CTDSPL: variants seen among roughly 807,000 people sequenced by gnomAD.
CTDSPL encodes CTD small phosphatase like.
CTDSPL carries 8 observed loss-of-function variants against 30.5 expected under a neutral mutation model. That is an observed-to-expected ratio of 0.26 (90% confidence interval 0.15 to 0.47). The LOEUF (loss-of-function observed/expected upper bound fraction) is 0.47, where lower values mean the gene tolerates loss of function less well. CTDSPL is among the 20% of genes least tolerant of loss of function. The pLI, the probability that CTDSPL is intolerant of heterozygous loss-of-function variation, is 0.99. For synonymous variants in CTDSPL, 110 were observed against 137.9 expected (o/e 0.80, Z 1.42); for missense variants, 248 against 366.1 (o/e 0.68, Z 2.63).
chr3:37,910,431 A>G (rs1407347016), intron 1 of CTDSPL, among the ~76,000 whole-genome samples: 1 of 152,220 alleles, frequency 6.6e-6, no homozygotes, highest in African/African-American at 2.4e-5. Flanking sequence ...CAGTGAGCCA[A>G]GATGGCGCCA....
intron 2 of CTDSPL, among the ~76,000 whole-genome samples, chr3:37,956,671 G>A (rs1320622118): frequency 6.6e-6 from 1 of 152,170 alleles, no homozygotes; most frequent in African/African-American, 2.4e-5. Context: ...TGACCAGGGG[G>A]TCATTGTAAT....
chr3:37,883,759 A>T (rs1177490937), intron 1 of CTDSPL, among the ~76,000 whole-genome samples: 2 of 152,230 alleles, frequency 1.3e-5, no homozygotes, highest in African/African-American at 4.8e-5. Flanking sequence ...GATTTAATTT[A>T]CTTAATAGAT....
Position 37,981,223 on chromosome 3 carries a change from G to C in CTDSPL, c.*356G>C, listed in dbSNP as rs902796883. ...ACCTGTCCCCTTCTATCCCAGCTCA[G>C]AGCAGCTGACCCAACTCAGAATCTC... On this transcript the variant is annotated 3_prime_UTR_variant, in exon 8 of 8. Transcript: ENST00000273179. 6.0e-6 allele frequency: 1 copy of C among 165,674 alleles called. No homozygotes were observed. The highest frequency in any genetic ancestry group is 2.4e-5 in the African/African-American group (1 of 41,482). The allele number at this position is 165,674 out of a possible 1,614,324, so 10.3% of individuals were successfully genotyped here.
intron 1 of CTDSPL, among the ~76,000 whole-genome samples, chr3:37,935,742 G>A (rs995100982): frequency 7.9e-5 from 12 of 152,100 alleles, no homozygotes; most frequent in Non-Finnish European, 1.5e-4. Flanking sequence ...GTTTTCAAAC[G>A]TGGCATTTGG....
chr3:37,874,936 C>T (rs1234683910), intron 1 of CTDSPL, among the ~76,000 whole-genome samples: 2 of 152,016 alleles, frequency 1.3e-5, no homozygotes, highest in African/African-American at 4.8e-5. Context: ...CTTGACTTAC[C>T]AGACATTTAA....
At chr3:37,919,014 T>C (rs1352859743) in intron 1 of CTDSPL, among the ~76,000 whole-genome samples, 1 of 152,140 alleles carries the variant, frequency 6.6e-6, no homozygotes, top group Admixed American at 6.5e-5. Flanking sequence ...AAGTTCTGTG[T>C]AATAGTGGTT....
intron 1 of CTDSPL, among the ~76,000 whole-genome samples, chr3:37,911,289 G>C (rs1443853638): frequency 2.0e-5 from 3 of 152,234 alleles, no homozygotes; most frequent in Non-Finnish European, 2.9e-5. Context: ...TCTAAGTTAA[G>C]AGGATAGTAC....
rs1350694849 is a variant in CTDSPL at position 37,984,179 on chromosome 3, T to C, written c.*3312T>C. ...CGTACTTGCAGTTAACTGTGCAAAATTGGCTGGCTGCCTCTGTTCCTACTG... is the reference window on the plus strand; with the variant it reads ...CGTACTTGCAGTTAACTGTGCAAAACTGGCTGGCTGCCTCTGTTCCTACTG... On this transcript the variant is annotated 3_prime_UTR_variant, in exon 8 of 8. Coordinates refer to ENST00000273179, the MANE Select transcript of CTDSPL (RefSeq NM_001008392.2). The C allele has an allele frequency of 2.2e-6, 1 of 455,998 alleles. No individual in the cohort carries two copies. The highest frequency in any genetic ancestry group is 7.0e-5 in the East Asian group (1 of 14,368). The allele number at this position is 455,998 out of a possible 1,614,324, so 28.2% of individuals were successfully genotyped here. A position where few individuals can be genotyped will look rare whatever the true frequency, so the allele number is the denominator to read the frequency against.
chr3:37,933,390 C>T (rs1698878595), intron 1 of CTDSPL, among the ~76,000 whole-genome samples: 1 of 152,138 alleles, frequency 6.6e-6, no homozygotes, highest in Non-Finnish European at 1.5e-5. Context: ...TCCAGAGATA[C>T]TCTTTACCCA....
At chr3:37,872,562 A>ATTTT (rs1559621231) in intron 1 of CTDSPL, among the ~76,000 whole-genome samples, 4 of 101,958 alleles carry the variant, frequency 3.9e-5, no homozygotes, top group African/African-American at 7.5e-5. Context: ...TTTTTTTTAA[A>ATTTT]TTCTTTTATC....
At chr3:37,965,066 T>G (rs948128297) in intron 4 of CTDSPL, among the ~76,000 whole-genome samples, 1 of 152,236 alleles carries the variant, frequency 6.6e-6, no homozygotes, top group Non-Finnish European at 1.5e-5. Flanking sequence ...TGTTGGAAAC[T>G]GTCAAATGAC....
At chr3:37,879,584 C>A (rs1698178552) in intron 1 of CTDSPL, among the ~76,000 whole-genome samples, 1 of 152,202 alleles carries the variant, frequency 6.6e-6, no homozygotes, top group Non-Finnish European at 1.5e-5. Context: ...TGTACATATA[C>A]TGGTTCCTCT....
chr3:37,930,753 C>T (rs779999813), intron 1 of CTDSPL, among the ~76,000 whole-genome samples: 13 of 152,310 alleles, frequency 8.5e-5, no homozygotes, highest in Admixed American at 5.2e-4. Flanking sequence ...TCCATTTGGT[C>T]TATAGTGTTA....
At chr3:37,897,633 A>G (rs1698403995) in intron 1 of CTDSPL, among the ~76,000 whole-genome samples, 1 of 152,176 alleles carries the variant, frequency 6.6e-6, no homozygotes, top group Admixed American at 6.5e-5. Context: ...GTGAGCGGTG[A>G]AAAGTTAACT....
chr3:37,974,768 G>A (rs888054543), intron 6 of CTDSPL, among the ~76,000 whole-genome samples: 10 of 152,318 alleles, frequency 6.6e-5, no homozygotes, highest in South Asian at 2.1e-4. Context: ...GGGAGTGGAC[G>A]GCTGGGCACC....
chr3:37,922,136 G>A (rs921892448), intron 1 of CTDSPL, among the ~76,000 whole-genome samples: 1 of 152,044 alleles, frequency 6.6e-6, no homozygotes, highest in African/African-American at 2.4e-5. Context: ...TCAGGAGGCT[G>A]AGGCAGGAGA....
chr3:37,882,185 G>A (rs1312690348), intron 1 of CTDSPL, among the ~76,000 whole-genome samples: 1 of 152,136 alleles, frequency 6.6e-6, no homozygotes, highest in East Asian at 1.9e-4. Flanking sequence ...GCTCACGCCT[G>A]TAATCCTAGC....
chr3:37,877,830 G>A (rs1018117593), intron 1 of CTDSPL, among the ~76,000 whole-genome samples: 1 of 152,140 alleles, frequency 6.6e-6, no homozygotes, highest in Non-Finnish European at 1.5e-5. Context: ...AAGAGAGAGA[G>A]CGAGGAGGTC....
intron 1 of CTDSPL, among the ~76,000 whole-genome samples, chr3:37,940,561 A>G (rs1205794151): frequency 6.7e-6 from 1 of 150,308 alleles, no homozygotes; most frequent in Admixed American, 6.7e-5. Flanking sequence ...GATGACTACC[A>G]ATTGCTCCAG....
Sources: allele counts gnomAD v4.1 joint callset (sites outside exome capture counted in the v4.1 genomes callset), GRCh38; gene constraint gnomAD v4.1.1; transcripts MANE v1.5; gene names NCBI Gene and HGNC (gene_info 2026-07-23, HGNC 2026-07-21).